Variants in CCDC178 observed in about 807,000 individuals in gnomAD.
The protein encoded by CCDC178 is coiled-coil domain-containing protein 178.
In CCDC178, 126 loss-of-function variants were observed where a neutral mutation model predicts 117.4. The observed-to-expected ratio is 1.07, with a 90% CI of 0.93 to 1.24. CCDC178 has a LOEUF of 1.24. Ranked by LOEUF, CCDC178 falls within the 50% of genes most tolerant of loss-of-function variation. The pLI is 0.00. For missense variants in CCDC178, 1,030 were observed against 986.9 expected, an observed-to-expected ratio of 1.04 and a Z score of -0.59; for synonymous variants, 283 against 313.4, an observed-to-expected ratio of 0.90 and a Z score of 1.02.
chr18:33,021,676 T>A (rs2056120718), intron 21 of CCDC178, among the ~76,000 whole-genome samples: 1 of 152,226 alleles, frequency 6.6e-6, no homozygotes, highest in Non-Finnish European at 1.5e-5. Context: ...GACCTTCCTA[T>A]TAACCTCACC....
At chr18:33,381,610 C>CT (rs770077404) in intron 5 of CCDC178, among the ~76,000 whole-genome samples, 2 of 151,892 alleles carry the variant, frequency 1.3e-5, no homozygotes, top group Admixed American at 6.6e-5. Context: ...TTATCCTCAC[C>CT]TTTTTTTTCC....
At chr18:33,333,767 G>A (rs185698547) in intron 9 of CCDC178, among the ~76,000 whole-genome samples, 8 of 151,796 alleles carry the variant, frequency 5.3e-5, no homozygotes, top group Non-Finnish European at 7.4e-5. Context: ...CTGCCTCGGC[G>A]TCCCAAAGTC....
intron 21 of CCDC178, among the ~76,000 whole-genome samples, chr18:33,018,028 C>G (rs1283631423): frequency 6.6e-6 from 1 of 151,868 alleles, no homozygotes; most frequent in Non-Finnish European, 1.5e-5. Flanking sequence ...ACTTGAAAAC[C>G]TTATAGCTGA....
chr18:33,329,876 A>AGTGTGTGTGTGTGTGT (rs67627028), intron 10 of CCDC178, among the ~76,000 whole-genome samples: 8 of 131,414 alleles, frequency 6.1e-5, no homozygotes, highest in African/African-American at 2.4e-4. Context: ...GAATTATTAG[A>AGTGTGTGTGTGTGTGT]GTGTGTGTGT....
intron 2 of CCDC178, among the ~76,000 whole-genome samples, chr18:33,438,734 A>C (rs1364236389): frequency 2.0e-5 from 3 of 152,036 alleles, no homozygotes; most frequent in African/African-American, 4.8e-5. Context: ...CTCAATACAA[A>C]TTCTTCGTCT....
At chr18:32,948,740 A>G (rs2054410345) in intron 22 of CCDC178, among the ~76,000 whole-genome samples, 1 of 152,080 alleles carries the variant, frequency 6.6e-6, no homozygotes. Flanking sequence ...TAAACTATTC[A>G]ATATATTGTC....
intron 11 of CCDC178, among the ~76,000 whole-genome samples, chr18:33,309,939 TTTTATTTATTTA>T (rs138569090): frequency 0.055 from 7,792 of 141,140 alleles, 705 homozygotes; most frequent in African/African-American, 0.2. Flanking sequence ...TTTTCTTTTC[TTTTATTTATTTA>T]TTTATTTATT....
At chr18:33,365,875 G>A (rs2063198440) in intron 6 of CCDC178, among the ~76,000 whole-genome samples, 2 of 152,040 alleles carry the variant, frequency 1.3e-5, no homozygotes, top group Admixed American at 6.6e-5. Flanking sequence ...AAGATATTCA[G>A]ATGATTATTT....
intron 21 of CCDC178, among the ~76,000 whole-genome samples, chr18:33,079,322 C>A (rs564189111): frequency 1.6e-4 from 25 of 152,082 alleles, no homozygotes; most frequent in African/African-American, 6.0e-4. Context: ...CCTATAAAAA[C>A]CCTAGAAGGT....
chr18:32,978,203 A>ATTTTTTTTTT (rs34863142), intron 21 of CCDC178, among the ~76,000 whole-genome samples: 3 of 90,022 alleles, frequency 3.3e-5, no homozygotes, highest in African/African-American at 8.1e-5. Flanking sequence ...CTCAAAAAAG[A>ATTTTTTTTTT]TTTTTTTTTT....
In CCDC178 at chr18:33,388,519, A is replaced by ATTTTTT. The variant is rs71159828; in HGVS notation, c.208+1015_208+1020dup. On this transcript the variant is annotated intron_variant, in intron 5 of 22. Transcript: ENST00000383096. ...AAATGTGGTACATATACACCACGGA[A>ATTTTTT]TTTTTTTTTTTTTTTTTTGAGACGG... 1.5e-4 allele frequency among the ~76,000 whole-genome samples: 10 copies of ATTTTTT among 65,268 alleles called. 2 individuals carry two copies. Among genetic ancestry groups the ATTTTTT allele is most frequent in the African/African-American group, 5.0e-4 (8 of 15,862 alleles). The allele number at this position is 65,268 out of a possible 152,430, so 42.8% of individuals were successfully genotyped here.
At chr18:33,273,226 T>C (rs113454669) in intron 12 of CCDC178, among the ~76,000 whole-genome samples, 3 of 151,604 alleles carry the variant, frequency 2.0e-5, no homozygotes, top group African/African-American at 7.2e-5. Flanking sequence ...ACACAAACAT[T>C]GGTGGTATTT....
At chr18:33,359,449 A>C (rs1187452978) in intron 6 of CCDC178, among the ~76,000 whole-genome samples, 1 of 151,652 alleles carries the variant, frequency 6.6e-6, no homozygotes, top group African/African-American at 2.4e-5. Context: ...CTAGCATTTA[A>C]ATACTATTTA....
chr18:33,097,634 C>G (rs1415971191), intron 20 of CCDC178, among the ~76,000 whole-genome samples: 1 of 152,016 alleles, frequency 6.6e-6, no homozygotes, highest in Non-Finnish European at 1.5e-5. Context: ...CAATATATTC[C>G]CTTCGCAAAC....
At chr18:33,124,341 C>G (rs2057975917) in intron 20 of CCDC178, among the ~76,000 whole-genome samples, 1 of 152,148 alleles carries the variant, frequency 6.6e-6, no homozygotes, top group Non-Finnish European at 1.5e-5. Context: ...GCTGGTGAAC[C>G]CTTCAGCCCA....
intron 22 of CCDC178, among the ~76,000 whole-genome samples, chr18:32,938,520 A>G (rs2054170037): frequency 6.6e-6 from 1 of 152,162 alleles, no homozygotes; most frequent in African/African-American, 2.4e-5. Flanking sequence ...TATTTATTCA[A>G]CAAATATATT....
At chr18:33,155,373 A>G (rs2058382477) in intron 20 of CCDC178, among the ~76,000 whole-genome samples, 2 of 152,146 alleles carry the variant, frequency 1.3e-5, no homozygotes, top group Non-Finnish European at 2.9e-5. Context: ...TGCTTAGATA[A>G]TACCTTATAA....
intron 11 of CCDC178, among the ~76,000 whole-genome samples, chr18:33,308,619 T>C (rs1454071284): frequency 6.6e-6 from 1 of 152,108 alleles, no homozygotes; most frequent in Non-Finnish European, 1.5e-5. Context: ...AATGATATGT[T>C]TTGGCTGTGT....
Position 33,224,044 on chromosome 18 carries a change from A to G in CCDC178, c.1818+731T>C, listed in dbSNP as rs532040396. On this transcript the variant is annotated intron_variant, in intron 17 of 22. Coordinates refer to ENST00000383096, the MANE Select transcript of CCDC178 (RefSeq NM_001105528.4). ...TTGAAGCTCAAAATAAACTTTTAAA[A>G]TAGAAACACTTTTTAAATCACAATT... 8.1e-4 allele frequency among the ~76,000 whole-genome samples: 123 copies of G among 152,336 alleles called. 1 individual carries two copies. The highest frequency in any genetic ancestry group is 2.8e-3 in the African/African-American group (118 of 41,582).
Sources: allele counts gnomAD v4.1 joint callset (sites outside exome capture counted in the v4.1 genomes callset), GRCh38; gene constraint gnomAD v4.1.1; transcripts MANE v1.5; gene names NCBI Gene and HGNC (gene_info 2026-07-23, HGNC 2026-07-21).